The following SRGAP1 variants were observed in gnomAD, a reference collection of about 807,000 sequenced individuals.
The protein encoded by SRGAP1 is SLIT-ROBO Rho GTPase-activating protein 1.
In SRGAP1, 43 loss-of-function variants were observed where a neutral mutation model predicts 121.9. That is an observed-to-expected ratio of 0.35 (90% CI 0.28 to 0.46). The LOEUF is 0.46. SRGAP1 is among the 20% of genes least tolerant of loss of function. The pLI is 1.00. For synonymous variants in SRGAP1, 447 were observed against 485.4 expected (o/e 0.92, Z 1.04); for missense variants, 1,102 against 1,350.9 (o/e 0.82, Z 2.89).
rs766859474 is a variant in SRGAP1 at position 64,143,780 on chromosome 12, TAA to T, written c.*1121_*1122del. The T allele has an allele frequency of 5.5e-5, 8 of 144,626 alleles. No individual in the cohort carries two copies. Among genetic ancestry groups the T allele is most frequent in the South Asian group, 2.2e-4 (1 of 4,508 alleles). The allele number at this position is 144,626 out of a possible 1,614,324, so 9.0% of individuals were successfully genotyped here. On this transcript the variant is annotated 3_prime_UTR_variant, in exon 22 of 22. Transcript: ENST00000355086. ...CAGCATAGTGTGAGACCCTGTCTCT[TAA>T]AAAAAAAAAAAATGCTACAAAGTCC...
At chr12:64,073,319 T>G (rs921248119) in intron 8 of SRGAP1, among the ~76,000 whole-genome samples, 1 of 152,242 alleles carries the variant, frequency 6.6e-6, no homozygotes, top group Non-Finnish European at 1.5e-5. Flanking sequence ...TCTTCGTATA[T>G]GTATTCCATG....
At position 64,085,151 on chromosome 12, in the gene SRGAP1, ACTAATAGCGTGAC is replaced by A. The variant is rs1233457496; in HGVS notation, c.1409-1845_1409-1833del. Among the ~76,000 whole-genome samples, 6 of 152,234 alleles carry A rather than the reference ACTAATAGCGTGAC, an allele frequency of 3.9e-5. 1 individual carries two copies. Among genetic ancestry groups the A allele is most frequent in the African/African-American group, 1.2e-4 (5 of 41,546 alleles). On this transcript the variant is annotated intron_variant, in intron 10 of 21. Coordinates refer to ENST00000355086, the MANE Select transcript of SRGAP1 (RefSeq NM_020762.4). ...GACCTGAGTGCCACACCCACCCCAT[ACTAATAGCGTGAC>A]CTTGGGCAAGTCACTTTTCTATATG...
chr12:64,082,103 G>A (rs764544518), intron 10 of SRGAP1, among the ~76,000 whole-genome samples: 1 of 131,922 alleles, frequency 7.6e-6, no homozygotes, highest in Non-Finnish European at 1.6e-5. Flanking sequence ...TATCCTAAGT[G>A]TAGATGAACG....
intron 3 of SRGAP1, among the ~76,000 whole-genome samples, chr12:63,996,047 T>G (rs1051983764): frequency 1.3e-5 from 2 of 151,530 alleles, no homozygotes; most frequent in Non-Finnish European, 2.9e-5. Context: ...GTACCATAAG[T>G]TAAAAGCATC....
intron 1 of SRGAP1, among the ~76,000 whole-genome samples, chr12:63,857,078 C>G (rs1308158069): frequency 6.6e-6 from 1 of 150,512 alleles, no homozygotes; most frequent in Non-Finnish European, 1.5e-5. Flanking sequence ...TGCAGAAATG[C>G]AATTTACTGC....
At chr12:64,119,411 AAGCCCAACTGG>A (rs1217231694) in intron 18 of SRGAP1, among the ~76,000 whole-genome samples, 1 of 152,240 alleles carries the variant, frequency 6.6e-6, no homozygotes, top group East Asian at 1.9e-4. Context: ...AAACCCTCTA[AAGCCCAACTGG>A]AGTTTTGATT....
At chr12:64,095,019 T>A in intron 13 of SRGAP1, 27 bp downstream of exon 13, 1 of 1,612,984 alleles carries the variant, frequency 6.2e-7, no homozygotes, top group South Asian at 1.1e-5. Flanking sequence ...AGAATTCTTA[T>A]TTTTTAAAAA....
chr12:64,030,830 G>A (rs936276830), intron 4 of SRGAP1, among the ~76,000 whole-genome samples: 1 of 152,142 alleles, frequency 6.6e-6, no homozygotes, highest in African/African-American at 2.4e-5. Flanking sequence ...GACTATAGGG[G>A]CATTGTTCAT....
intron 1 of SRGAP1, among the ~76,000 whole-genome samples, chr12:63,908,961 G>A (rs2030358557): frequency 6.6e-6 from 1 of 151,854 alleles, no homozygotes; most frequent in Non-Finnish European, 1.5e-5. Flanking sequence ...CGCCATCTTG[G>A]CTCACTCCAA....
intron 6 of SRGAP1, among the ~76,000 whole-genome samples, chr12:64,060,826 C>T (rs766070748): frequency 2.0e-5 from 3 of 152,132 alleles, no homozygotes; most frequent in East Asian, 1.9e-4. Flanking sequence ...AGCAAACCAA[C>T]GGACAGCTTA....
Position 64,065,143 on chromosome 12 carries a change from C to T in SRGAP1, c.1049C>T (p.Pro350Leu), listed in dbSNP as rs547820752. The stretch of plus-strand genomic sequence containing the variant: ...GTGTGCCAGGTCAGTGCCCAGCAGC[C>T]AGTCCAGGCAGAGCTCATGCTCAGG... The part of the protein sequence containing the change: ...DEVCQVSAQQ[P>L]VQAELMLRYQ... Residue 350 changes from proline to leucine, a missense_variant, in exon 8 of 22, where the codon CCA becomes CTA. Around this residue, in one of 3 missense-constraint regions of SRGAP1, gnomAD observed 747 missense variants for 929.4 expected, o/e 0.80. Coordinates refer to ENST00000355086, the MANE Select transcript of SRGAP1 (RefSeq NM_020762.4). 13 of 1,613,384 alleles carry T rather than the reference C, an allele frequency of 8.1e-6. No individual in the cohort carries two copies. In the South Asian group the frequency reaches 1.1e-4, roughly 14 times the overall value.
chr12:63,903,551 TTTTG>T (rs1270885164), intron 1 of SRGAP1, among the ~76,000 whole-genome samples: 2 of 149,038 alleles, frequency 1.3e-5, no homozygotes, highest in East Asian at 4.1e-4. Flanking sequence ...CAGCCTGTTT[TTTTG>T]TTTGTTTTTT....
chr12:64,091,090 T>C (rs145422325), intron 11 of SRGAP1, among the ~76,000 whole-genome samples, 186 bp from the exon 12 acceptor site: 295 of 152,240 alleles, frequency 1.9e-3, no homozygotes, highest in Middle Eastern at 3.4e-3. Context: ...AATAAACAAT[T>C]TGTATGTTTT....
intron 1 of SRGAP1, among the ~76,000 whole-genome samples, chr12:63,885,460 T>C (rs867975311): frequency 3.9e-5 from 6 of 152,134 alleles, no homozygotes. Flanking sequence ...CACACTCTCT[T>C]GGGTTTCTGT....
At chr12:64,103,068 C>T (rs1470732842) in intron 15 of SRGAP1, among the ~76,000 whole-genome samples, 2 of 152,112 alleles carry the variant, frequency 1.3e-5, no homozygotes, top group Non-Finnish European at 2.9e-5. Flanking sequence ...TCACTGCAAC[C>T]TCCTAGGCTA....
chr12:64,032,265 C>T, intron 4 of SRGAP1: 1 of 268,840 alleles, frequency 3.7e-6, no homozygotes, highest in Non-Finnish European at 7.3e-6. Flanking sequence ...CAGCTCCTTC[C>T]CACTGCAAAG....
intron 8 of SRGAP1, among the ~76,000 whole-genome samples, chr12:64,071,876 C>T (rs917699849): frequency 2.7e-5 from 4 of 148,888 alleles, no homozygotes; most frequent in African/African-American, 9.9e-5. Flanking sequence ...CCTCACCCCC[C>T]CCCAAAAAAA....
At chr12:63,896,819 T>G (rs1432579313) in intron 1 of SRGAP1, among the ~76,000 whole-genome samples, 1 of 152,208 alleles carries the variant, frequency 6.6e-6, no homozygotes. Flanking sequence ...TTCCCAAGAA[T>G]GCTAACGCTG....
chr12:63,913,191 CTTCT>C (rs1303608549), intron 1 of SRGAP1, among the ~76,000 whole-genome samples: 14 of 111,808 alleles, frequency 1.3e-4, no homozygotes, highest in East Asian at 8.3e-4. Flanking sequence ...CTGGTAAATC[CTTCT>C]TTTTTTTTTT....
Sources: allele counts gnomAD v4.1 joint callset (sites outside exome capture counted in the v4.1 genomes callset), GRCh38; gene constraint gnomAD v4.1.1; regional missense constraint gnomAD v4.1.1; transcripts MANE v1.5; gene names NCBI Gene and HGNC (gene_info 2026-07-23, HGNC 2026-07-21).